The following LARGE1 variants were observed in gnomAD, a reference collection of about 807,000 sequenced individuals.
LARGE1 encodes LARGE xylosyl- and glucuronyltransferase 1, also known as xylosyl- and glucuronyltransferase LARGE1.
Under a neutral mutation model 87.6 loss-of-function variants are expected in LARGE1, and 43 were observed. The observed-to-expected ratio is 0.49, with a 90% confidence interval of 0.38 to 0.63. The LOEUF (loss-of-function observed/expected upper bound fraction) is 0.63. Among genes scored for constraint, LARGE1 ranks in the 30% least tolerant of loss-of-function variants. The probability of loss-of-function intolerance (pLI) is 0.00; values close to 1 mark genes in which losing one functional copy is unlikely to be tolerated. For synonymous variants in LARGE1, 434 were observed against 394.6 expected (o/e 1.10, Z -1.18); for missense variants, 802 against 1,000.2 (o/e 0.80, Z 2.67).
chr22:33,747,725 C>A (rs959616157), intron 2 of LARGE1: 9 of 152,216 alleles, frequency 5.9e-5, no homozygotes, highest in African/African-American at 1.9e-4. Context: ...GGGCTCTATG[C>A]CCAGTGCCCT....
intron 6 of LARGE1, among the ~76,000 whole-genome samples, chr22:33,513,075 G>A (rs2071128947): frequency 6.6e-6 from 1 of 152,104 alleles, no homozygotes; most frequent in Non-Finnish European, 1.5e-5. Context: ...TGGTTTTGCT[G>A]GTGAGACACA....
At chr22:33,150,977 T>C in the LARGE1 span, among the ~76,000 whole-genome samples, 1 of 152,290 alleles carries the variant, frequency 6.6e-6, no homozygotes, top group African/African-American at 2.4e-5. Flanking sequence ...TATCTGTATC[T>C]CAGAAAAAAA....
chr22:33,422,470 AG>A (rs1177373382), intron 7 of LARGE1, among the ~76,000 whole-genome samples: 1 of 151,390 alleles, frequency 6.6e-6, no homozygotes, highest in Non-Finnish European at 1.5e-5. Context: ...TGGCCAGAGC[AG>A]GAGCAGGAGA....
chr22:33,445,648 T>G (rs1243017392), intron 6 of LARGE1, among the ~76,000 whole-genome samples: 1 of 110,370 alleles, frequency 9.1e-6, no homozygotes, highest in African/African-American at 4.5e-5. Context: ...AGGGGGCCAC[T>G]TTTTTTTTTT....
intron 1 of LARGE1, among the ~76,000 whole-genome samples, chr22:33,789,593 C>T (rs927144201): frequency 1.3e-5 from 2 of 152,200 alleles, no homozygotes; most frequent in Admixed American, 6.5e-5. Context: ...AGGATGGGGG[C>T]TGTACCCTGC....
chr22:33,494,306 G>A (rs761754155), intron 6 of LARGE1, among the ~76,000 whole-genome samples: 3 of 152,220 alleles, frequency 2.0e-5, no homozygotes, highest in African/African-American at 4.8e-5. Flanking sequence ...AAATGGAGAT[G>A]GCTTGTGTGT....
At chr22:33,607,740 G>A (rs1342194873) in intron 4 of LARGE1, among the ~76,000 whole-genome samples, 1 of 152,156 alleles carries the variant, frequency 6.6e-6, no homozygotes, top group South Asian at 2.1e-4. Context: ...GTCTAGACCT[G>A]AAGAAAGAAA....
chr22:33,541,795 T>A (rs1384669438), intron 6 of LARGE1, among the ~76,000 whole-genome samples: 3 of 148,806 alleles, frequency 2.0e-5, no homozygotes, highest in African/African-American at 7.4e-5. Flanking sequence ...TATCAGGGTA[T>A]CTCTAAAATC....
chr22:33,780,055 T>C (rs540797160), intron 1 of LARGE1, among the ~76,000 whole-genome samples: 1 of 152,302 alleles, frequency 6.6e-6, no homozygotes, highest in Admixed American at 6.5e-5. Flanking sequence ...GAAAGATCTG[T>C]TCCTGGCCTC....
chr22:33,688,522 T>G (rs1422021784), intron 2 of LARGE1, among the ~76,000 whole-genome samples: 1 of 152,104 alleles, frequency 6.6e-6, no homozygotes, highest in Non-Finnish European at 1.5e-5. Flanking sequence ...CGGCTAATTT[T>G]GTATTTTTAG....
intron 7 of LARGE1, among the ~76,000 whole-genome samples, chr22:33,396,362 T>C (rs1355166358): frequency 6.6e-6 from 1 of 152,292 alleles, no homozygotes; most frequent in South Asian, 2.1e-4. Context: ...CTTTTGATCA[T>C]ATAAATGAAA....
intron 1 of LARGE1, among the ~76,000 whole-genome samples, chr22:33,800,713 G>C (rs928747503): frequency 3.3e-5 from 5 of 152,112 alleles, no homozygotes; most frequent in Non-Finnish European, 7.3e-5. Context: ...CTCAGTTATT[G>C]CACGCATCAA....
At position 33,678,469 on chromosome 22, in the gene LARGE1, T is replaced by C. The variant is rs530906963; in HGVS notation, c.107-27801A>G. 2.6e-5 allele frequency among the ~76,000 whole-genome samples: 4 copies of C among 152,270 alleles called. No individual in the cohort carries two copies. The East Asian group carries it at 7.7e-4, about 29-fold the overall frequency. The stretch of plus-strand genomic sequence containing the variant: ...GAACATTTGGGGGAGGAGGGGTGAC[T>C]GACATCGCAAAGAATTCCTCACTTT... On this transcript the variant is annotated intron_variant, in intron 2 of 14. Transcript: ENST00000397394.
chr22:33,662,170 T>A (rs1029708841), intron 2 of LARGE1, among the ~76,000 whole-genome samples: 1 of 150,948 alleles, frequency 6.6e-6, no homozygotes, highest in South Asian at 2.1e-4. Flanking sequence ...TGTCCACAGG[T>A]TGGATAAGCC....
intron 2 of LARGE1, among the ~76,000 whole-genome samples, chr22:33,659,269 C>T (rs1365895592): frequency 1.3e-5 from 2 of 152,138 alleles, no homozygotes; most frequent in East Asian, 1.9e-4. Context: ...TTAGAAAATG[C>T]CCTCCTTTTA....
At chr22:33,851,076 A>T (rs13057617) in intron 1 of LARGE1, among the ~76,000 whole-genome samples, 2 of 152,082 alleles carry the variant, frequency 1.3e-5, no homozygotes, top group Non-Finnish European at 2.9e-5. Context: ...AATTCTCTCC[A>T]CAATTAGAGC....
In LARGE1 at chr22:33,273,538, G is replaced by T; in HGVS notation, c.*889C>A. On this transcript the variant is annotated 3_prime_UTR_variant, in exon 15 of 15. Coordinates refer to ENST00000397394, the MANE Select transcript of LARGE1 (RefSeq NM_133642.5). The stretch of plus-strand genomic sequence containing the variant: ...TCACTGCCAATAGAAAATGTGACCG[G>T]TGTAAAACAGCCAGCCCTCGTAATT... 2.5e-6 allele frequency: 1 copy of T among 398,790 alleles called. No homozygotes were observed. The highest frequency in any genetic ancestry group is 4.4e-6 in the Non-Finnish European group (1 of 226,226). The allele number at this position is 398,790 out of a possible 1,614,324, so 24.7% of individuals were successfully genotyped here.
the LARGE1 span, chr22:33,105,605 A>G: frequency 6.6e-6 from 1 of 152,024 alleles, no homozygotes; most frequent in Admixed American, 6.6e-5. Flanking sequence ...CCTCCTCCAG[A>G]AACGTGGGGC....
rs147584408 is a variant in LARGE1, at chr22:33,793,071, C to T, written c.-82-31513G>A. Reference sequence around the variant, plus strand: ...AGTTCCACGACTGGCCATGCTGCAGCGAGCAGTGCCATGAAGATTTATGAG... The same window carrying T: ...AGTTCCACGACTGGCCATGCTGCAGTGAGCAGTGCCATGAAGATTTATGAG... On this transcript the variant is annotated intron_variant, in intron 1 of 14. Coordinates refer to ENST00000397394, the MANE Select transcript of LARGE1 (RefSeq NM_133642.5). Among the ~76,000 whole-genome samples, 229 of 152,302 alleles carry T rather than the reference C, an allele frequency of 1.5e-3. 1 individual carries two copies. Among genetic ancestry groups the T allele is most frequent in the Non-Finnish European group, 6.3e-4 (43 of 68,036 alleles).
Sources: gnomAD v4.1 joint callset for allele counts (sites outside exome capture counted in the v4.1 genomes callset) on GRCh38, gnomAD v4.1.1 for gene constraint, MANE v1.5 for transcripts, NCBI Gene and HGNC (gene_info 2026-07-23, HGNC 2026-07-21) for gene names.